Variants in C2 observed in about 807,000 individuals in gnomAD.
The protein encoded by C2 is complement C2, also known as C3/C5 convertase.
Under a neutral mutation model 85.2 loss-of-function variants are expected in C2, and 64 were observed. The ratio of observed to expected loss-of-function variants is 0.75; its 90% CI spans 0.61 to 0.92. The LOEUF (loss-of-function observed/expected upper bound fraction) is 0.92. Ranked by LOEUF, C2 falls within the 40% of genes least tolerant of loss-of-function variation. The probability of loss-of-function intolerance (pLI) is 0.00; values close to 1 mark genes in which losing one functional copy is unlikely to be tolerated. For missense variants in C2, 820 were observed against 971.6 expected, an observed-to-expected ratio of 0.84 and a Z score of 2.07; for synonymous variants, 311 against 370.8, an observed-to-expected ratio of 0.84 and a Z score of 1.85.
intron 7 of C2, 70 bp downstream of exon 7, chr6:31,936,131 T>C: frequency 6.5e-7 from 1 of 1,550,186 alleles, no homozygotes; most frequent in African/African-American, 1.4e-5. Context: ...GCAAACAAAT[T>C]CTGGATGAGT....
upstream of C2, among the ~76,000 whole-genome samples, chr6:31,926,787 A>C (rs192284773): frequency 1.3e-5 from 2 of 152,306 alleles, no homozygotes; most frequent in East Asian, 3.9e-4. Flanking sequence ...ACGAACCTAA[A>C]TGATCACTTC....
At chr6:31,932,973 A>G (rs1770036874) in intron 3 of C2, among the ~76,000 whole-genome samples, 1 of 152,244 alleles carries the variant, frequency 6.6e-6, no homozygotes, top group Admixed American at 6.5e-5. Flanking sequence ...AAAACCAGTC[A>G]GGCGTGGCGG....
At chr6:31,903,294 T>C (rs1017330454) in intron 1 of C2, among the ~76,000 whole-genome samples, 2 of 152,238 alleles carry the variant, frequency 1.3e-5, no homozygotes, top group African/African-American at 4.8e-5. Flanking sequence ...ATAAACTTCT[T>C]GGTTGCAGGA....
Position 31,907,097 on chromosome 6 carries a change from G to A in C2, c.73+5958G>A, listed in dbSNP as rs142897748. Among the ~76,000 whole-genome samples, 36 of 150,310 alleles carry A rather than the reference G, an allele frequency of 2.4e-4. 1 individual carries two copies. Among genetic ancestry groups the A allele is most frequent in the African/African-American group, 7.1e-4 (29 of 40,672 alleles). ...AGAGGTTGCAGTGAGTTGAGATCAC[G>A]CCACTGCACTCCAGCCTGGGTGACA... On this transcript the variant is annotated intron_variant, in intron 1 of 3. Coordinates refer to the C2 transcript ENST00000452202.
At chr6:31,900,549 G>C (rs754733310), upstream of C2, 18 of 1,611,968 alleles carry the variant, frequency 1.1e-5, no homozygotes, top group Admixed American at 2.7e-4. The surrounding 1 kb of genome is among the most constrained non-coding windows in gnomAD (Gnocchi z 9.7). Context: ...ACAGTGCTGG[G>C]GGGAACGCTG....
intron 3 of C2, among the ~76,000 whole-genome samples, chr6:31,933,300 C>T (rs1201995301): frequency 3.3e-5 from 5 of 152,242 alleles, no homozygotes; most frequent in Admixed American, 2.0e-4. Context: ...ACGTACATGC[C>T]AGCAAGGTAA....
upstream of C2, among the ~76,000 whole-genome samples, chr6:31,925,912 GAC>G (rs1769232243): frequency 6.6e-6 from 1 of 152,130 alleles, no homozygotes; most frequent in African/African-American, 2.4e-5. Context: ...CACTGTGTCA[GAC>G]ACCCAGGCTC....
upstream of C2, chr6:31,897,799 A>G: frequency 1.0e-6 from 1 of 989,316 alleles, no homozygotes; most frequent in Non-Finnish European, 1.2e-6. Context: ...TTCCCCTGAG[A>G]GCGGCCTCGG....
At position 31,944,810 on chromosome 6, in the gene C2, G is replaced by A; in HGVS notation, c.1986G>A (p.Gln662=). 6.2e-7 allele frequency: 1 copy of A among 1,613,114 alleles called. No individual in the cohort carries two copies. Among genetic ancestry groups the A allele is most frequent in the Non-Finnish European group, 8.5e-7 (1 of 1,180,038 alleles). The part of the protein sequence containing the change: ...LTDVREVVTD[Q]FLCSGTQEDE... ...ATGTCAGGGAGGTGGTGACAGACCA[G>A]TTCCTATGCAGTGGGACCCAGGAGG... is the stretch of plus-strand genomic sequence containing the variant. The change falls in exon 16 of 18, where the codon CAG becomes CAA. Residue 662 remains glutamine (Q), a synonymous_variant. Coordinates refer to ENST00000299367, the MANE Select transcript of C2 (RefSeq NM_000063.6). The surrounding 1 kb of genome is among the most constrained non-coding windows in gnomAD (Gnocchi z 5.1).
At chr6:31,900,409 C>T, upstream of C2, 1 of 1,547,648 alleles carries the variant, frequency 6.5e-7, no homozygotes, top group Non-Finnish European at 8.7e-7. The surrounding 1 kb of genome is among the most constrained non-coding windows in gnomAD (Gnocchi z 9.7). Flanking sequence ...CCATGGCCAC[C>T]GCTGCTGCTT....
intron 7 of C2, chr6:31,936,867 A>C (rs1238287447): frequency 5.0e-6 from 1 of 198,746 alleles, no homozygotes; most frequent in Non-Finnish European, 1.0e-5. Flanking sequence ...CAATGATGCC[A>C]CATCTCTATC....
chr6:31,938,854 T>C (rs574916607), intron 8 of C2, among the ~76,000 whole-genome samples: 4 of 152,252 alleles, frequency 2.6e-5, no homozygotes, highest in South Asian at 2.1e-4. Context: ...GGTTTCTCCA[T>C]GTTGGTCAAG....
In C2 at chr6:31,944,625, C is replaced by G; in HGVS notation, c.1903-102C>G. The stretch of plus-strand genomic sequence containing the variant: ...TGAACTCCTGACCTCAAGTGATCTG[C>G]CTGCCTCAACCTCCCAAAGTGCTGA... On this transcript the variant is annotated intron_variant, in intron 15 of 17. Transcript: ENST00000299367. The surrounding 1 kb of genome is among the most constrained non-coding windows in gnomAD (Gnocchi z 5.1). The G allele has an allele frequency of 1.6e-6, 2 of 1,289,188 alleles. No individual in the cohort carries two copies. The highest frequency in any genetic ancestry group is 3.4e-5 in the Admixed American group (2 of 59,582). 79.9% of individuals were successfully genotyped at this position (1,289,188 alleles called of 1,614,324 possible).
In C2 at chr6:31,945,453, C is replaced by A; in HGVS notation, c.*96C>A. 8.5e-7 allele frequency: 1 copy of A among 1,183,342 alleles called. No individual in the cohort carries two copies. Among genetic ancestry groups the A allele is most frequent in the Non-Finnish European group, 1.2e-6 (1 of 801,528 alleles). The allele number at this position is 1,183,342 out of a possible 1,614,324, so 73.3% of individuals were successfully genotyped here. A position where few individuals can be genotyped will look rare whatever the true frequency, so the allele number is the denominator to read the frequency against. On this transcript the variant is annotated 3_prime_UTR_variant, in exon 18 of 18. Coordinates refer to ENST00000299367, the MANE Select transcript of C2 (RefSeq NM_000063.6). This position sits in a 1 kb window ranked among gnomAD's most constrained non-coding sequence, Gnocchi z 5.3. ...ACCCTTAGACCCTGTGATCCATCCT[C>A]TCTCCTAGCTGAGTAAATCCGGGTC... is the stretch of plus-strand genomic sequence containing the variant.
chr6:31,943,749 A>G lies in C2; in HGVS notation c.1673A>G (p.Tyr558Cys). The change falls in exon 13 of 18, where the codon TAT (tyrosine) becomes TGT (cysteine). Residue 558 changes from tyrosine (Y) to cysteine (C), a missense_variant. Physicochemically the swap from Tyr to Cys is radical, Grantham distance 194. Transcript: ENST00000299367. The surrounding 1 kb of genome is among the most constrained non-coding windows in gnomAD (Gnocchi z 6.4). ...AAGAACCAGGGAATCCTGGAGTTCT[A>G]TGGTGATGACATAGCTCTGCTGAAG... ...AKKNQGILEF[Y>C]GDDIALLKLA... The G allele has an allele frequency of 3.1e-6, 5 of 1,613,076 alleles. No individual in the cohort carries two copies. Among genetic ancestry groups the G allele is most frequent in the East Asian group, 2.2e-5 (1 of 44,888 alleles).
chr6:31,899,554 T>C (rs1463981037), upstream of C2: 1 of 132,472 alleles, frequency 7.5e-6, no homozygotes, highest in African/African-American at 2.8e-5. Context: ...ACCCTTCTTA[T>C]CTCGAGAAAT....
At chr6:31,926,275 C>T (rs1208549791), upstream of C2, among the ~76,000 whole-genome samples, 1 of 151,716 alleles carries the variant, frequency 6.6e-6, no homozygotes, top group Non-Finnish European at 1.5e-5. Flanking sequence ...TCCCTAACAC[C>T]AGGATGTCCT....
At chr6:31,907,165 G>A (rs920818051) in intron 1 of C2, among the ~76,000 whole-genome samples, 1 of 149,708 alleles carries the variant, frequency 6.7e-6, no homozygotes, top group Non-Finnish European at 1.5e-5. Context: ...CAAAATAAAA[G>A]CATTAGAGTT....
intron 8 of C2, among the ~76,000 whole-genome samples, chr6:31,938,562 G>A (rs1770628570): frequency 1.3e-5 from 2 of 151,160 alleles, no homozygotes; most frequent in Admixed American, 6.6e-5. Flanking sequence ...TGCGATCTCG[G>A]CTCACTGCAA....
Sources: gnomAD v4.1 joint callset for allele counts (sites outside exome capture counted in the v4.1 genomes callset) on GRCh38, gnomAD v4.1.1 for gene constraint, Gnocchi (gnomAD v3.1) non-coding constraint, MANE v1.5 for transcripts, NCBI Gene and HGNC (gene_info 2026-07-23, HGNC 2026-07-21) for gene names.